Variants in WWP1 observed in about 807,000 individuals in gnomAD.
WWP1 encodes WW domain containing E3 ubiquitin protein ligase 1.
WWP1 carries 49 observed loss-of-function variants against 130.6 expected under a neutral mutation model. The ratio of observed to expected loss-of-function variants is 0.38; its 90% CI spans 0.30 to 0.48. The LOEUF (loss-of-function observed/expected upper bound fraction) is 0.48, where lower values mean the gene tolerates loss of function less well. WWP1 is among the 20% of genes least tolerant of loss of function. The pLI, the probability that WWP1 is intolerant of heterozygous loss-of-function variation, is 0.99. For synonymous variants in WWP1, 332 were observed against 367.8 expected, an observed-to-expected ratio of 0.90 and a Z score of 1.11; for missense variants, 809 against 1,100.6, an observed-to-expected ratio of 0.74 and a Z score of 3.75.
At chr8:86,416,917 A>G (rs1369219920) in intron 9 of WWP1, among the ~76,000 whole-genome samples, 2 of 151,940 alleles carry the variant, frequency 1.3e-5, no homozygotes, top group Non-Finnish European at 2.9e-5. Flanking sequence ...CCCCTGTACC[A>G]CTTCCCCCTG....
intron 2 of WWP1, among the ~76,000 whole-genome samples, chr8:86,373,642 A>G (rs1824459224): frequency 6.6e-6 from 1 of 151,892 alleles, no homozygotes; most frequent in African/African-American, 2.4e-5. Flanking sequence ...CGTCTTAGGT[A>G]CTCCCAATGG....
intron 9 of WWP1, among the ~76,000 whole-genome samples, chr8:86,419,894 C>T (rs1024493801): frequency 5.3e-5 from 8 of 152,078 alleles, no homozygotes; most frequent in African/African-American, 1.9e-4. Context: ...AGAATCAACA[C>T]GAAAAGCTAG....
At chr8:86,384,205 G>A (rs933263719) in intron 5 of WWP1, among the ~76,000 whole-genome samples, 2 of 152,082 alleles carry the variant, frequency 1.3e-5, no homozygotes, top group African/African-American at 4.8e-5. Context: ...CTCTAAAAAC[G>A]TCACATTTTG....
chr8:86,387,465 A>G (rs1825348470), intron 5 of WWP1, among the ~76,000 whole-genome samples: 1 of 152,010 alleles, frequency 6.6e-6, no homozygotes, highest in Non-Finnish European at 1.5e-5. Context: ...ATTGAATTTT[A>G]CTGACACATT....
chr8:86,371,941 A>G (rs1824318317), intron 2 of WWP1, among the ~76,000 whole-genome samples: 1 of 151,420 alleles, frequency 6.6e-6, no homozygotes, highest in Admixed American at 6.6e-5. Flanking sequence ...TCCCAGATTC[A>G]AGCAATTCTC....
At chr8:86,357,371 A>AT (rs1387844011) in intron 1 of WWP1, among the ~76,000 whole-genome samples, 1 of 152,204 alleles carries the variant, frequency 6.6e-6, no homozygotes, top group East Asian at 1.9e-4. Flanking sequence ...TAACAGCCAA[A>AT]TACTCTTTTC....
intron 1 of WWP1, among the ~76,000 whole-genome samples, chr8:86,346,239 G>C: frequency 6.6e-6 from 1 of 152,072 alleles, no homozygotes; most frequent in East Asian, 1.9e-4. Context: ...TACTTTCTTT[G>C]TATGTCTCAC....
At chr8:86,364,963 A>G (rs982126150) in intron 1 of WWP1, among the ~76,000 whole-genome samples, 38 of 152,310 alleles carry the variant, frequency 2.5e-4, no homozygotes, top group African/African-American at 8.9e-4. Context: ...GAAGTGGCTG[A>G]AAAATAGGAA....
intron 1 of WWP1, among the ~76,000 whole-genome samples, chr8:86,349,027 G>A (rs968556552): frequency 5.9e-5 from 9 of 152,008 alleles, no homozygotes. Context: ...GAAGCAACCA[G>A]ATCTTTTTTT....
In WWP1 at chr8:86,402,188, C is replaced by T. The variant is rs2130509271; in HGVS notation, c.709C>T (p.Pro237Ser). ...AGCTCCAAAACCACTCGCATCTGAGCCTGCCGATGACACTGGTAAGCAAGG... is the reference window on the plus strand; with the variant it reads ...AGCTCCAAAACCACTCGCATCTGAGTCTGCCGATGACACTGGTAAGCAAGG... ...TPAPKPLASE[P>S]ADDTVNGESS... Residue 237 changes from proline to serine, a missense_variant, in exon 8 of 25, where the codon CCT (proline) becomes TCT (serine). Pro to Ser is a moderately conservative substitution (Grantham distance 74, BLOSUM62 -1). This residue lies in a region of WWP1 where 262 missense variants were observed against 346.0 expected (regional missense o/e 0.76). Transcript: ENST00000517970. The T allele has an allele frequency of 6.2e-7, 1 of 1,613,380 alleles. No individual in the cohort carries two copies.
intron 9 of WWP1, among the ~76,000 whole-genome samples, chr8:86,424,303 C>T (rs1392374983): frequency 1.3e-5 from 2 of 149,188 alleles, no homozygotes; most frequent in South Asian, 2.1e-4. Flanking sequence ...CGGGAAGAGG[C>T]GCTCCTCACT....
Position 86,363,814 on chromosome 8 carries a change from A to G in WWP1, c.-114-5125A>G, listed in dbSNP as rs1024558418. On this transcript the variant is annotated intron_variant, in intron 1 of 24. Transcript: ENST00000517970. ...CATCTCAAAAAAAAAAAAAAAAAAA[A>G]GAAATTTGTCTGTGGTCTTGCTGAT... is the stretch of plus-strand genomic sequence containing the variant. 5.9e-5 allele frequency among the ~76,000 whole-genome samples: 9 copies of G among 151,338 alleles called. No homozygotes were observed. The South Asian group carries it at 1.7e-3, about 28-fold the overall frequency.
chr8:86,379,518 G>A (rs1049189215), intron 3 of WWP1, among the ~76,000 whole-genome samples: 4 of 152,096 alleles, frequency 2.6e-5, no homozygotes, highest in African/African-American at 9.7e-5. Context: ...CTGATCTAGG[G>A]TGTTCACAGG....
chr8:86,435,969 G>C (rs1270248344), intron 16 of WWP1, among the ~76,000 whole-genome samples: 2 of 152,124 alleles, frequency 1.3e-5, no homozygotes, highest in Non-Finnish European at 2.9e-5. Context: ...AAAATGCTGG[G>C]ATTACAGGCT....
intron 9 of WWP1, 111 bp from the exon 10 acceptor site, chr8:86,425,112 A>G: frequency 4.4e-6 from 3 of 686,328 alleles, no homozygotes; most frequent in Middle Eastern, 4.2e-4. Context: ...GTGTGTGTAT[A>G]GTCTTTTAAT....
In WWP1 at chr8:86,380,793, A is replaced by G; in HGVS notation, c.138A>G (p.Val46=). ...FGTAIYTEVV[V]DGEITKTAKS... is the part of the protein sequence containing the mutation. ...CAGCAATATATACAGAAGTAGTTGT[A>G]GATGGAGAAATTACGAAAACAGCAA... The change falls in exon 4 of 25, where the codon GTA becomes GTG. Residue 46 remains valine, a synonymous_variant. Coordinates refer to ENST00000517970, the MANE Select transcript of WWP1 (RefSeq NM_007013.4). 1.9e-6 allele frequency: 3 copies of G among 1,613,466 alleles called. No homozygotes were observed. Among genetic ancestry groups the G allele is most frequent in the Non-Finnish European group, 2.5e-6 (3 of 1,179,738 alleles).
At chr8:86,463,493 A>G (rs1229806794) in intron 24 of WWP1, among the ~76,000 whole-genome samples, 1 of 151,762 alleles carries the variant, frequency 6.6e-6, no homozygotes, top group Non-Finnish European at 1.5e-5. Context: ...TTTAGTAGAG[A>G]TGGGGTTTCA....
chr8:86,355,862 G>A (rs1014473685), intron 1 of WWP1, among the ~76,000 whole-genome samples: 2 of 152,154 alleles, frequency 1.3e-5, no homozygotes, highest in Non-Finnish European at 1.5e-5. Flanking sequence ...TAAGGCATGG[G>A]TTAGCTCAGC....
chr8:86,366,019 G>A (rs1037339699), intron 1 of WWP1, among the ~76,000 whole-genome samples: 6 of 152,176 alleles, frequency 3.9e-5, no homozygotes, highest in Admixed American at 1.3e-4. Context: ...TTGACATAAC[G>A]TATGTGAAAA....
Sources: gnomAD v4.1 joint callset for allele counts (sites outside exome capture counted in the v4.1 genomes callset) on GRCh38, gnomAD v4.1.1 for gene constraint, gnomAD v4.1.1 regional missense constraint, MANE v1.5 for transcripts, NCBI Gene and HGNC (gene_info 2026-07-23, HGNC 2026-07-21) for gene names.